MYO7A: variants seen among roughly 807,000 people sequenced by gnomAD.
MYO7A encodes unconventional myosin-VIIa.
In MYO7A, 210 loss-of-function variants were observed where a neutral mutation model predicts 263.8. The observed-to-expected ratio is 0.80, with a 90% CI of 0.71 to 0.89. MYO7A has a LOEUF of 0.89. Among genes scored for constraint, MYO7A ranks in the 40% least tolerant of loss-of-function variants. MYO7A has a pLI of 0.00. For synonymous variants in MYO7A, 1,239 were observed against 1,197.3 expected, an observed-to-expected ratio of 1.03 and a Z score of -0.72; for missense variants, 2,820 against 2,968.3, an observed-to-expected ratio of 0.95 and a Z score of 1.16.
At chr11:77,190,985 C>T in intron 30 of MYO7A, 115 bp downstream of exon 30, 6 of 1,198,232 alleles carry the variant, frequency 5.0e-6, no homozygotes, top group East Asian at 2.6e-5. Context: ...CCTCGGTTTC[C>T]CCCTGAGCCT....
chr11:77,167,166 G>A (rs983148781), intron 15 of MYO7A, among the ~76,000 whole-genome samples: 3 of 152,158 alleles, frequency 2.0e-5, no homozygotes, highest in Admixed American at 6.5e-5. Flanking sequence ...TTTGTGTTTG[G>A]TTTTTGAGTT....
In MYO7A at chr11:77,194,470, G is replaced by C; in HGVS notation, c.4269G>C (p.Thr1423=). The C allele has an allele frequency of 6.2e-7, 1 of 1,609,382 alleles. No homozygotes were observed. The highest frequency in any genetic ancestry group is 1.1e-5 in the South Asian group (1 of 89,790). The change falls in exon 32 of 49, where the codon ACG becomes ACC. Residue 1423 remains threonine (T), a synonymous_variant. Coordinates refer to ENST00000409709, the MANE Select transcript of MYO7A (RefSeq NM_000260.4). ...CCTACATCCCCGACCGCGAGATCAC[G>C]CCCCTGAAGACGCTGGAGAAGTGGG... ...VPTYIPDREI[T]PLKTLEKWAQ... is the part of the protein sequence containing the mutation.
rs1355345202 is a variant in MYO7A at position 77,202,318 on chromosome 11, C to A, written c.5062C>A (p.Pro1688Thr). 1 of 1,586,458 alleles carries A rather than the reference C, an allele frequency of 6.3e-7. No individual in the cohort carries two copies. Among genetic ancestry groups the A allele is most frequent in the Non-Finnish European group, 8.6e-7 (1 of 1,165,590 alleles). The change falls in exon 37 of 49, where the codon CCC (proline) becomes ACC (threonine). Residue 1688 changes from proline (P) to threonine (T), a missense_variant. Transcript: ENST00000409709. ...TCCCTAGGCCCTGGTCACCATGACT[C>A]CCGATCAGAGGCAGGACGTTGTCCG... ...REIVALVTMT[P>T]DQRQDVVRLL...
intron 34 of MYO7A, 77 bp from the exon 35 acceptor site, chr11:77,199,458 C>A: frequency 7.2e-7 from 1 of 1,398,214 alleles, no homozygotes; most frequent in Non-Finnish European, 9.4e-7. Context: ...CTGACTTAGC[C>A]TGAGATGTGT....
chr11:77,201,725 G>A, intron 36 of MYO7A, 87 bp downstream of exon 36: 1 of 1,371,902 alleles, frequency 7.3e-7, no homozygotes, highest in South Asian at 1.3e-5. Context: ...TAGGTTAACG[G>A]TCTAGTGCAT....
chr11:77,154,549 C>T (rs537272634), intron 4 of MYO7A, among the ~76,000 whole-genome samples: 17 of 152,322 alleles, frequency 1.1e-4, no homozygotes, highest in Middle Eastern at 3.4e-3. Flanking sequence ...GAGTGTGGCA[C>T]AGAGAGCCAG....
rs2135517735 is a variant in MYO7A at position 77,184,647 on chromosome 11, C to T, written c.3435C>T (p.Asp1145=). The T allele has an allele frequency of 2.5e-6, 4 of 1,587,032 alleles. No homozygotes were observed. The highest frequency in any genetic ancestry group is 2.6e-6 in the Non-Finnish European group (3 of 1,166,284). ...STVQGNSMLE[D]RPTSNLEKLH... ...TGCAGGGCAACAGCATGCTGGAGGA[C>T]CGGCCCACCTCCAACCTGGAGAAGC... The change falls in exon 27 of 49, where the codon GAC becomes GAT. Residue 1145 remains aspartate, a synonymous_variant. Transcript: ENST00000409709.
intron 2 of MYO7A, among the ~76,000 whole-genome samples, chr11:77,141,104 G>A (rs1431690179): frequency 6.6e-6 from 1 of 152,216 alleles, no homozygotes; most frequent in African/African-American, 2.4e-5. Context: ...AGGAGCAAGA[G>A]GCTACCCCAT....
rs7117606 is a variant in MYO7A at position 77,181,897 on chromosome 11, A to G, written c.2905-54A>G. ...ACTTCTGGGCTCAGGCGATCCTCCCACCTGAGCTTCCTGAGTAGCTGGGAC... is the reference window on the plus strand; with the variant it reads ...ACTTCTGGGCTCAGGCGATCCTCCCGCCTGAGCTTCCTGAGTAGCTGGGAC... On this transcript the variant is annotated intron_variant, in intron 23 of 48. Transcript: ENST00000409709. The G allele has an allele frequency of 0.56, 873,089 of 1,552,420 alleles. 248,642 individuals carry two copies. The highest frequency in any genetic ancestry group is 0.75 in the African/African-American group (54,908 of 73,024).
intron 47 of MYO7A, 144 bp from the exon 48 acceptor site, chr11:77,213,716 C>G: frequency 8.5e-7 from 1 of 1,180,560 alleles, no homozygotes; most frequent in East Asian, 2.5e-5. Flanking sequence ...CACCTGCTTC[C>G]CACCGCAGCT....
chr11:77,132,136 G>T (rs1289719089), intron 2 of MYO7A, among the ~76,000 whole-genome samples: 1 of 151,850 alleles, frequency 6.6e-6, no homozygotes, highest in Non-Finnish European at 1.5e-5. Flanking sequence ...AAAGGTCCAC[G>T]GAGTGCTTGG....
intron 27 of MYO7A, among the ~76,000 whole-genome samples, chr11:77,188,133 G>A (rs546346168): frequency 2.0e-5 from 3 of 152,268 alleles, no homozygotes; most frequent in East Asian, 3.9e-4. Flanking sequence ...CTCCTTGAGG[G>A]GCCTCACACG....
At chr11:77,163,168 T>G (rs1189293995) in intron 14 of MYO7A, among the ~76,000 whole-genome samples, 180 bp downstream of exon 14, 2 of 152,168 alleles carry the variant, frequency 1.3e-5, no homozygotes, top group African/African-American at 4.8e-5. Flanking sequence ...ACTAAGTACT[T>G]CACAGTGCTG....
In MYO7A at chr11:77,138,334, G is replaced by A. The variant is rs1317621689; in HGVS notation, c.19-4375G>A. Among the ~76,000 whole-genome samples the A allele has an allele frequency of 6.8e-6, 1 of 146,314 alleles. No individual in the cohort carries two copies. The highest frequency in any genetic ancestry group is 2.6e-5 in the African/African-American group (1 of 38,706). On this transcript the variant is annotated intron_variant, in intron 2 of 48. Coordinates refer to ENST00000409709, the MANE Select transcript of MYO7A (RefSeq NM_000260.4). This position sits in a 1 kb window ranked among gnomAD's most constrained non-coding sequence, Gnocchi z 4.9. ...CATGGAGGACCCCGCCGACCCTGCC[G>A]ACCCCGCGCGCATCCCGCAGCCCGG...
chr11:77,162,295 A>G lies in MYO7A; in HGVS notation c.1519A>G (p.Ile507Val). The G allele has an allele frequency of 6.4e-7, 1 of 1,552,124 alleles. No homozygotes were observed. Among genetic ancestry groups the G allele is most frequent in the African/African-American group, 1.4e-5 (1 of 73,158 alleles). ...DMIANKPMNI[I>V]SLIDEESKFP... ...GATTGCCAACAAGCCCATGAACATCATCTCCCTCATCGATGAGGAGAGCAA... is the reference window on the plus strand; with the variant it reads ...GATTGCCAACAAGCCCATGAACATCGTCTCCCTCATCGATGAGGAGAGCAA... Residue 507 changes from isoleucine to valine, a missense_variant, in exon 13 of 49, where the codon ATC becomes GTC. Transcript: ENST00000409709.
At chr11:77,204,876 C>T (rs767800076) in intron 39 of MYO7A, among the ~76,000 whole-genome samples, 2 of 152,202 alleles carry the variant, frequency 1.3e-5, no homozygotes, top group African/African-American at 2.4e-5. Flanking sequence ...GTGCCCACAG[C>T]CAGGAAAACT....
rs751497005 is a variant in MYO7A at position 77,190,049 on chromosome 11, G to A, written c.3660G>A (p.Pro1220=). Residue 1220 remains proline, a synonymous_variant, in exon 29 of 49, where the codon CCG becomes CCA. Coordinates refer to ENST00000409709, the MANE Select transcript of MYO7A (RefSeq NM_000260.4). ...TGCGGAACTTCATCCACGGGGGCCC[G>A]CCCGGCTACGCCCCGTACTGTGAGG... ...KYLRNFIHGG[P]PGYAPYCEER... 57 of 1,565,900 alleles carry A rather than the reference G, an allele frequency of 3.6e-5. No homozygotes were observed. In the South Asian group the frequency reaches 4.6e-4, roughly 13 times the overall value.
chr11:77,157,158 C>A, intron 7 of MYO7A, 121 bp from the exon 8 acceptor site: 1 of 1,363,618 alleles, frequency 7.3e-7, no homozygotes, highest in Admixed American at 2.0e-5. Flanking sequence ...ACCATGAAAC[C>A]CACCGATGGG....
chr11:77,132,574 C>T (rs547441320), intron 2 of MYO7A, among the ~76,000 whole-genome samples: 10 of 152,176 alleles, frequency 6.6e-5, no homozygotes, highest in Non-Finnish European at 1.2e-4. Context: ...CTGCAACCTT[C>T]GACTCCCTGG....
Sources: allele counts gnomAD v4.1 joint callset (sites outside exome capture counted in the v4.1 genomes callset), GRCh38; gene constraint gnomAD v4.1.1; non-coding constraint Gnocchi (gnomAD v3.1); transcripts MANE v1.5; gene names NCBI Gene and HGNC (gene_info 2026-07-23, HGNC 2026-07-21).